Variants in P2RY8 observed in about 807,000 individuals in gnomAD.
The protein encoded by P2RY8 is P2Y receptor family member 8.
P2RY8 carries 6 observed loss-of-function variants against 10.0 expected under a neutral mutation model. The observed-to-expected ratio is 0.60, with a 90% confidence interval of 0.33 to 1.19. The LOEUF (loss-of-function observed/expected upper bound fraction) is 1.19. Among genes scored for constraint, P2RY8 ranks in the 50% most tolerant of loss-of-function variants. The pLI, the probability that P2RY8 is intolerant of heterozygous loss-of-function variation, is 0.04. For missense variants in P2RY8, 456 were observed against 542.0 expected (o/e 0.84, Z 1.58); for synonymous variants, 276 against 252.5 (o/e 1.09, Z -0.88).
intron 1 of P2RY8, among the ~76,000 whole-genome samples, chrX:1,480,937 C>A (rs73628512): frequency 6.6e-5 from 10 of 151,830 alleles, no homozygotes; most frequent in Admixed American, 3.3e-4. Context: ...CATGGGCCAC[C>A]TCACGAAAGA....
intron 1 of P2RY8, among the ~76,000 whole-genome samples, chrX:1,508,717 T>TCTAC (rs2092258852): frequency 1.2e-5 from 1 of 84,216 alleles, no homozygotes; most frequent in Non-Finnish European, 2.9e-5. Context: ...TATCTATCTA[T>TCTAC]CTATCTATCT....
chrX:1,509,188 T>TATCTATCTATCTATCC (rs1569538112), intron 1 of P2RY8, among the ~76,000 whole-genome samples: 3 of 145,312 alleles, frequency 2.1e-5, no homozygotes, highest in South Asian at 2.2e-4. Context: ...TCTATCTATC[T>TATCTATCTATCTATCC]ATCCATCTAT....
chrX:1,465,615 C>T lies in P2RY8; in HGVS notation c.944G>A (p.Arg315Lys), dbSNP rs746637287. 3 of 1,613,324 alleles carry T rather than the reference C, an allele frequency of 1.9e-6. No homozygotes were observed. Among genetic ancestry groups the T allele is most frequent in the Admixed American group, 1.7e-5 (1 of 60,014 alleles). Residue 315 changes from arginine to lysine, a missense_variant, in exon 2 of 2, where the codon AGA becomes AAA. Transcript: ENST00000381297. ...REYLGCRRVP[R>K]DTLDTRRESL... ...CTCGCGGCGCGTGTCCAGGGTGTCT[C>T]TGGGCACCCGGCGGCAGCCCAAATA...
intron 1 of P2RY8, among the ~76,000 whole-genome samples, chrX:1,502,488 G>A (rs533528165): frequency 1.3e-5 from 2 of 152,050 alleles, no homozygotes; most frequent in East Asian, 3.9e-4. Flanking sequence ...CCGGCAACAC[G>A]CTTTGCCGAA....
intron 1 of P2RY8, among the ~76,000 whole-genome samples, chrX:1,478,437 G>A (rs1289170424): frequency 2.0e-5 from 3 of 151,924 alleles, no homozygotes; most frequent in Non-Finnish European, 4.4e-5. Flanking sequence ...AGAGTTGGTG[G>A]TTTTCAATAT....
chrX:1,464,380 G>C lies in P2RY8; in HGVS notation c.*1099C>G. The C allele has an allele frequency of 1.7e-5, 4 of 233,696 alleles. No individual in the cohort carries two copies. Among genetic ancestry groups the C allele is most frequent in the Non-Finnish European group, 2.5e-5 (3 of 118,372 alleles). 14.5% of individuals were successfully genotyped at this position (233,696 alleles called of 1,614,324 possible). ...ACAGCAGGGAGGGGGCTCAGCGGCT[G>C]ACACCCCTGTAGGTTCCTGGGGTCC... On this transcript the variant is annotated 3_prime_UTR_variant, in exon 2 of 2. Coordinates refer to ENST00000381297, the MANE Select transcript of P2RY8 (RefSeq NM_178129.5).
intron 1 of P2RY8, among the ~76,000 whole-genome samples, chrX:1,481,242 C>T (rs2091931905): frequency 6.6e-6 from 1 of 152,120 alleles, no homozygotes; most frequent in South Asian, 2.1e-4. Flanking sequence ...AACGTCGGCT[C>T]CCTGCAACCT....
rs868036507 is a variant in P2RY8 at position 1,524,500 on chromosome X, C to T, written c.-25+12421G>A. Among the ~76,000 whole-genome samples, 10 of 84,912 alleles carry T rather than the reference C, an allele frequency of 1.2e-4. 2 individuals are homozygous for T. The highest frequency in any genetic ancestry group is 3.8e-4 in the East Asian group (1 of 2,648). 55.7% of individuals were successfully genotyped at this position (84,912 alleles called of 152,430 possible). On this transcript the variant is annotated intron_variant, in intron 1 of 1. Transcript: ENST00000381297. ...ATCCACTCATCCATCCATACATCCA[C>T]GCATCCATCCATCCATCCATCCATC...
intron 1 of P2RY8, among the ~76,000 whole-genome samples, chrX:1,526,396 C>A (rs1162000528): frequency 6.6e-6 from 1 of 151,688 alleles, no homozygotes; most frequent in African/African-American, 2.4e-5. Flanking sequence ...TATTCACTCA[C>A]CCATTCATTT....
At chrX:1,530,947 TATCTA>T (rs1372863118) in intron 1 of P2RY8, among the ~76,000 whole-genome samples, 4 of 151,832 alleles carry the variant, frequency 2.6e-5, no homozygotes, top group African/African-American at 7.2e-5. Context: ...TGTATCTATC[TATCTA>T]ATCTATTTAT....
At chrX:1,482,783 G>A (rs1291682669) in intron 1 of P2RY8, among the ~76,000 whole-genome samples, 6 of 151,992 alleles carry the variant, frequency 3.9e-5, no homozygotes, top group African/African-American at 1.2e-4. Context: ...ATGAGTTCAT[G>A]TCCTTTGTAG....
intron 1 of P2RY8, among the ~76,000 whole-genome samples, chrX:1,519,471 T>TCCCAATAAACTCTCTGGTC (rs2092375464): frequency 1.4e-5 from 2 of 148,056 alleles, no homozygotes; most frequent in Non-Finnish European, 3.0e-5. Flanking sequence ...TCTCTCTGGT[T>TCCCAATAAACTCTCTGGTC]CCCAATAATC....
At chrX:1,496,652 G>C (rs1218077652) in intron 1 of P2RY8, among the ~76,000 whole-genome samples, 24 of 151,554 alleles carry the variant, frequency 1.6e-4, no homozygotes, top group Non-Finnish European at 2.6e-4. Flanking sequence ...AGGTAACTAG[G>C]ACTTGGGAAG....
At chrX:1,506,085 C>T (rs1400831199) in intron 1 of P2RY8, among the ~76,000 whole-genome samples, 3 of 149,684 alleles carry the variant, frequency 2.0e-5, no homozygotes, top group African/African-American at 7.4e-5. Context: ...CTCCGCCTCC[C>T]GGGTTCAAGT....
At chrX:1,495,942 A>G (rs1373111585) in intron 1 of P2RY8, among the ~76,000 whole-genome samples, 1 of 150,688 alleles carries the variant, frequency 6.6e-6, no homozygotes, top group Non-Finnish European at 1.5e-5. Flanking sequence ...CTGTGAGGAC[A>G]CAGGGAGAAG....
At chrX:1,489,511 A>G (rs1388803738) in intron 1 of P2RY8, among the ~76,000 whole-genome samples, 1 of 152,148 alleles carries the variant, frequency 6.6e-6, no homozygotes, top group Non-Finnish European at 1.5e-5. Context: ...ATTCCTCACA[A>G]ATGTGGAGGG....
intron 1 of P2RY8, among the ~76,000 whole-genome samples, chrX:1,515,342 C>G (rs1207680038): frequency 6.6e-6 from 1 of 151,572 alleles, no homozygotes; most frequent in African/African-American, 2.4e-5. Flanking sequence ...GTGCAAACAC[C>G]TCCGCAGTCT....
Position 1,532,429 on chromosome X carries a change from ACATATATG to A in P2RY8, c.-25+4484_-25+4491del, listed in dbSNP as rs1259542264. ...ATATGTATATGATGTGTATATATAC[ACATATATG>A]TATATATGTATATGTGTATATATAC... is the stretch of plus-strand genomic sequence containing the variant. On this transcript the variant is annotated intron_variant, in intron 1 of 1. Coordinates refer to ENST00000381297, the MANE Select transcript of P2RY8 (RefSeq NM_178129.5). 1.2e-4 allele frequency among the ~76,000 whole-genome samples: 17 copies of A among 144,112 alleles called. No homozygotes were observed. The East Asian group carries it at 3.4e-3, about 29-fold the overall frequency. The allele number at this position is 144,112 out of a possible 152,430, so 94.5% of individuals were successfully genotyped here.
rs2091616228 is a variant in P2RY8, at chrX:1,463,460, C to G, written c.*2019G>C. On this transcript the variant is annotated 3_prime_UTR_variant, in exon 2 of 2. Coordinates refer to ENST00000381297, the MANE Select transcript of P2RY8 (RefSeq NM_178129.5). The stretch of plus-strand genomic sequence containing the variant: ...GCATCACTCCAGTCTGCCTCTGTCT[C>G]CACGTGTCCTCCTGCTCTGTGTCTG... 1 of 228,352 alleles carries G rather than the reference C, an allele frequency of 4.4e-6. No homozygotes were observed. Among genetic ancestry groups the G allele is most frequent in the East Asian group, 6.2e-5 (1 of 16,178 alleles). The allele number at this position is 228,352 out of a possible 1,614,324, so 14.1% of individuals were successfully genotyped here.
Sources: gnomAD v4.1 joint callset for allele counts (sites outside exome capture counted in the v4.1 genomes callset) on GRCh38, gnomAD v4.1.1 for gene constraint, MANE v1.5 for transcripts, NCBI Gene and HGNC (gene_info 2026-07-23, HGNC 2026-07-21) for gene names.